Variants in BORCS5 observed in about 807,000 individuals in gnomAD.
The protein encoded by BORCS5 is BLOC-1 related complex subunit 5.
BORCS5 carries 17 observed loss-of-function variants against 22.1 expected under a neutral mutation model. The observed-to-expected ratio is 0.77, with a 90% CI of 0.53 to 1.15. The LOEUF is 1.15. Ranked by LOEUF, BORCS5 falls within the 50% of genes most tolerant of loss-of-function variation. BORCS5 has a pLI of 0.00. For synonymous variants in BORCS5, 117 were observed against 99.8 expected (o/e 1.17, Z -1.03); for missense variants, 247 against 253.2 (o/e 0.98, Z 0.17).
At chr12:12,416,104 T>A (rs1183955671) in intron 2 of BORCS5, among the ~76,000 whole-genome samples, 3 of 152,218 alleles carry the variant, frequency 2.0e-5, no homozygotes, top group African/African-American at 7.2e-5. Context: ...TTATCTAATT[T>A]ATTGCTGTAC....
rs890201532 is a variant in BORCS5 at position 12,470,205 on chromosome 12, G to A, written c.*4429G>A. On this transcript the variant is annotated 3_prime_UTR_variant, in exon 4 of 4. Transcript: ENST00000314565. ...ACTGTCTCAGCCTCCCGAGTAGCTG[G>A]GACTACAGGTGCCCGCCACCACACC... 6.6e-6 allele frequency among the ~76,000 whole-genome samples: 1 copy of A among 152,166 alleles called. No individual in the cohort carries two copies. Among genetic ancestry groups the A allele is most frequent in the African/African-American group, 2.4e-5 (1 of 41,430 alleles).
chr12:12,446,977 G>A (rs114390234), intron 3 of BORCS5, among the ~76,000 whole-genome samples: 2 of 152,194 alleles, frequency 1.3e-5, no homozygotes, highest in Non-Finnish European at 2.9e-5. Context: ...TTCTGTAGAA[G>A]TATGAGCATT....
At chr12:12,415,576 A>AAGGGGAGGGGGAG (rs1404626287) in intron 2 of BORCS5, among the ~76,000 whole-genome samples, 23 of 37,914 alleles carry the variant, frequency 6.1e-4, no homozygotes, top group Non-Finnish European at 8.9e-4. Context: ...GGGGAGGGGG[A>AAGGGGAGGGGGAG]GGGGCGATTT....
At chr12:12,392,045 CAAAAA>C (rs61408318) in intron 2 of BORCS5, among the ~76,000 whole-genome samples, 4 of 66,860 alleles carry the variant, frequency 6.0e-5, no homozygotes, top group Non-Finnish European at 1.1e-4. Flanking sequence ...GACTTCATTT[CAAAAA>C]AAAAAAAAAA....
At chr12:12,377,871 A>G (rs1485331834) in intron 2 of BORCS5, among the ~76,000 whole-genome samples, 2 of 152,190 alleles carry the variant, frequency 1.3e-5, no homozygotes, top group Admixed American at 6.5e-5. Flanking sequence ...GGCAGTAAAG[A>G]TTTAGAAAGA....
At chr12:12,381,112 A>C (rs1419816772) in intron 2 of BORCS5, among the ~76,000 whole-genome samples, 1 of 150,108 alleles carries the variant, frequency 6.7e-6, no homozygotes, top group Admixed American at 6.6e-5. Context: ...CCTGGGTTCA[A>C]GCAGTTCTCC....
chr12:12,369,712 C>CTTTTTTTTTTTTTTTT (rs71061052), intron 2 of BORCS5, among the ~76,000 whole-genome samples: 1 of 42,952 alleles, frequency 2.3e-5, no homozygotes, highest in African/African-American at 9.8e-5. Context: ...CCCCCCACTT[C>CTTTTTTTTTTTTTTTT]TTTTTTTTTT....
At chr12:12,379,323 C>T (rs768996337) in intron 2 of BORCS5, among the ~76,000 whole-genome samples, 3 of 151,008 alleles carry the variant, frequency 2.0e-5, no homozygotes, top group East Asian at 1.9e-4. Context: ...CCATGTTAGC[C>T]GGGCTGGTCT....
intron 2 of BORCS5, among the ~76,000 whole-genome samples, chr12:12,412,815 TTTTA>T (rs1323432355): frequency 2.0e-5 from 3 of 151,988 alleles, no homozygotes; most frequent in African/African-American, 4.8e-5. Flanking sequence ...TTGTTGAGTG[TTTTA>T]TTTGTTTGTT....
In BORCS5 at chr12:12,468,600, T is replaced by A. The variant is rs1006308335; in HGVS notation, c.*2824T>A. The A allele has an allele frequency of 6.6e-6, 1 of 152,278 alleles. No individual in the cohort carries two copies. The highest frequency in any genetic ancestry group is 6.5e-5 in the Admixed American group (1 of 15,282). 9.4% of individuals were successfully genotyped at this position (152,278 alleles called of 1,614,324 possible). On this transcript the variant is annotated 3_prime_UTR_variant, in exon 4 of 4. Transcript: ENST00000314565. Reference sequence around the variant, plus strand: ...TACATCTTGACTACAATGAGCGTGTTTACCTTTTGTCTCTGAGCAGTGGCC... The same window carrying A: ...TACATCTTGACTACAATGAGCGTGTATACCTTTTGTCTCTGAGCAGTGGCC...
intron 3 of BORCS5, among the ~76,000 whole-genome samples, chr12:12,463,254 A>G (rs1253154968): frequency 3.3e-5 from 5 of 152,228 alleles, no homozygotes; most frequent in Admixed American, 3.3e-4. Context: ...CTCAAGAGCA[A>G]AGGTCAGAGA....
At chr12:12,361,158 C>T (rs1437204422) in intron 1 of BORCS5, 48 bp from the exon 2 acceptor site, 1 of 1,565,590 alleles carries the variant, frequency 6.4e-7, no homozygotes, top group South Asian at 1.1e-5. Context: ...TTTGGTGAGG[C>T]AGAGATGCCT....
intron 3 of BORCS5, among the ~76,000 whole-genome samples, chr12:12,455,518 G>A (rs1942982566): frequency 6.6e-6 from 1 of 152,094 alleles, no homozygotes; most frequent in Non-Finnish European, 1.5e-5. Context: ...AGTGGCTTAC[G>A]TCTGTAATCC....
At chr12:12,379,785 T>C (rs1182393227) in intron 2 of BORCS5, among the ~76,000 whole-genome samples, 2 of 151,432 alleles carry the variant, frequency 1.3e-5, no homozygotes, top group African/African-American at 4.9e-5. Flanking sequence ...TGTTTTTGCC[T>C]TTGTGTGTTC....
chr12:12,459,163 T>C (rs749950174), intron 3 of BORCS5, among the ~76,000 whole-genome samples: 7 of 151,980 alleles, frequency 4.6e-5, no homozygotes, highest in Non-Finnish European at 1.0e-4. Flanking sequence ...CCCAAACTTC[T>C]GGGATTACAG....
chr12:12,376,728 A>G (rs2136037805), intron 2 of BORCS5, among the ~76,000 whole-genome samples: 1 of 152,286 alleles, frequency 6.6e-6, no homozygotes, highest in East Asian at 1.9e-4. Context: ...TCTTTCTCAT[A>G]TTTTGCCATT....
rs1223034413 is a variant in BORCS5 at position 12,465,752 on chromosome 12, G to T, written c.567G>T (p.Lys189Asn). 3 of 1,613,216 alleles carry T rather than the reference G, an allele frequency of 1.9e-6. No homozygotes were observed. Among genetic ancestry groups the T allele is most frequent in the African/African-American group, 1.3e-5 (1 of 74,942 alleles). ...AGCGGCTGGAGCCCTTCAGCATGAA[G>T]CCCGACCGCGAGCTCAGGCTGTAGC... ...EGERLEPFSM[K>N]PDRELRL Residue 189 changes from lysine to asparagine, a missense_variant, in exon 4 of 4, where the codon AAG becomes AAT. Coordinates refer to ENST00000314565, the MANE Select transcript of BORCS5 (RefSeq NM_058169.6).
intron 2 of BORCS5, among the ~76,000 whole-genome samples, chr12:12,363,288 T>G (rs1863332540): frequency 1.4e-5 from 2 of 146,332 alleles, no homozygotes; most frequent in South Asian, 4.3e-4. Flanking sequence ...CAGAGTGAGA[T>G]CCTGCCTCAA....
At chr12:12,423,752 A>G (rs1351852773) in intron 2 of BORCS5, among the ~76,000 whole-genome samples, 4 of 152,026 alleles carry the variant, frequency 2.6e-5, no homozygotes, top group Non-Finnish European at 5.9e-5. Flanking sequence ...GCAGTAGTGC[A>G]ATCTCAGCTC....
Sources: gnomAD v4.1 joint callset for allele counts (sites outside exome capture counted in the v4.1 genomes callset) on GRCh38, gnomAD v4.1.1 for gene constraint, MANE v1.5 for transcripts, NCBI Gene and HGNC (gene_info 2026-07-23, HGNC 2026-07-21) for gene names.